The following PLEKHM2 variants were observed in gnomAD, a reference collection of about 807,000 sequenced individuals.
PLEKHM2 encodes pleckstrin homology domain-containing family M member 2.
PLEKHM2 carries 77 observed loss-of-function variants against 116.3 expected under a neutral mutation model. The observed-to-expected ratio is 0.66, with a 90% CI of 0.55 to 0.80. PLEKHM2 has a LOEUF of 0.80. PLEKHM2 is among the 30% of genes least tolerant of loss of function. PLEKHM2 has a pLI of 0.00. For missense variants in PLEKHM2, 1,183 were observed against 1,354.9 expected, an observed-to-expected ratio of 0.87 and a Z score of 1.99; for synonymous variants, 562 against 571.0, an observed-to-expected ratio of 0.98 and a Z score of 0.22.
chr1:15,729,693 C>G lies in PLEKHM2; in HGVS notation c.2076-104C>G. 1 of 1,056,396 alleles carries G rather than the reference C, an allele frequency of 9.5e-7. No homozygotes were observed. Among genetic ancestry groups the G allele is most frequent in the Non-Finnish European group, 1.4e-6 (1 of 726,610 alleles). The allele number at this position is 1,056,396 out of a possible 1,614,324, so 65.4% of individuals were successfully genotyped here. A position where few individuals can be genotyped will look rare whatever the true frequency, so the allele number is the denominator to read the frequency against. On this transcript the variant is annotated intron_variant, in intron 13 of 19. Transcript: ENST00000375799. The surrounding 1 kb of genome is among the most constrained non-coding windows in gnomAD (Gnocchi z 4.7). Reference sequence around the variant, plus strand: ...ACTGGGTCTAGCCAGGTCTCTCCCCCAAGTTTCTGTGACCCCTCCAGGCCA... The same window carrying G: ...ACTGGGTCTAGCCAGGTCTCTCCCCGAAGTTTCTGTGACCCCTCCAGGCCA...
At chr1:15,700,000 A>C (rs1461808133) in intron 1 of PLEKHM2, among the ~76,000 whole-genome samples, 2 of 151,970 alleles carry the variant, frequency 1.3e-5, no homozygotes, top group South Asian at 2.1e-4. Flanking sequence ...CAAAAAAAAA[A>C]AACAACAAAA....
At chr1:15,682,523 G>A (rs890989262), upstream of PLEKHM2, among the ~76,000 whole-genome samples, 1 of 151,770 alleles carries the variant, frequency 6.6e-6, no homozygotes, top group Admixed American at 6.6e-5. Flanking sequence ...GGAGGCTGAG[G>A]CAGGAGAATC....
intron 8 of PLEKHM2, 70 bp downstream of exon 8, chr1:15,725,615 G>A (rs1165111097): frequency 1.7e-6 from 2 of 1,150,062 alleles, no homozygotes; most frequent in Non-Finnish European, 2.5e-6. Flanking sequence ...AGCATCAGCT[G>A]TTCATCCAGG....
rs2068113213 is a variant in PLEKHM2, at chr1:15,729,736, G to A, written c.2076-61G>A. 2 of 1,500,036 alleles carry A rather than the reference G, an allele frequency of 1.3e-6. No individual in the cohort carries two copies. The highest frequency in any genetic ancestry group is 1.8e-6 in the Non-Finnish European group (2 of 1,104,618). The allele number at this position is 1,500,036 out of a possible 1,614,324, so 92.9% of individuals were successfully genotyped here. On this transcript the variant is annotated intron_variant, in intron 13 of 19. Transcript: ENST00000375799. The surrounding 1 kb of genome is among the most constrained non-coding windows in gnomAD (Gnocchi z 4.7). ...CCAGGCCAGCAGCGCTCAAGACTAA[G>A]CCCTGTCCAGTTGAGGCCCTGTTCC...
At chr1:15,694,536 G>A (rs1181298338) in intron 1 of PLEKHM2, among the ~76,000 whole-genome samples, 1 of 152,094 alleles carries the variant, frequency 6.6e-6, no homozygotes, top group Non-Finnish European at 1.5e-5. Flanking sequence ...CCTCCTTGGT[G>A]TTGCTCATTC....
intron 1 of PLEKHM2, among the ~76,000 whole-genome samples, chr1:15,711,349 C>T (rs1423665696): frequency 1.3e-5 from 2 of 151,996 alleles, no homozygotes; most frequent in Non-Finnish European, 2.9e-5. Flanking sequence ...ACCGTGGTGG[C>T]TCATGCCTGT....
rs971030462 is a variant in PLEKHM2, at chr1:15,730,633, C to T, written c.2310C>T (p.Gly770=). The change falls in exon 15 of 20, where the codon GGC becomes GGT. Residue 770 remains glycine (G), a synonymous_variant. Coordinates refer to ENST00000375799, the MANE Select transcript of PLEKHM2 (RefSeq NM_015164.4). ...CCTGCCACTGCTCACCCCCCGAGGGCACCATCACCAAAGAAGGCATGCTGC... is the reference window on the plus strand; with the variant it reads ...CCTGCCACTGCTCACCCCCCGAGGGTACCATCACCAAAGAAGGCATGCTGC... ...PTPCHCSPPE[G]TITKEGMLHY... The T allele has an allele frequency of 3.7e-6, 6 of 1,609,202 alleles. No individual in the cohort carries two copies. The highest frequency in any genetic ancestry group is 3.4e-5 in the Admixed American group (2 of 59,448).
intron 1 of PLEKHM2, among the ~76,000 whole-genome samples, chr1:15,690,672 T>G (rs1369285805): frequency 2.0e-5 from 3 of 152,330 alleles, no homozygotes; most frequent in Non-Finnish European, 2.9e-5. Context: ...ACCAAATCTC[T>G]ATTGTAGCTG....
chr1:15,730,039 G>T (rs540500667), intron 14 of PLEKHM2, 110 bp downstream of exon 14: 2 of 251,422 alleles, frequency 8.0e-6, no homozygotes, highest in Non-Finnish European at 1.4e-5. Context: ...TTTCACAATC[G>T]CCTACCTGGG....
At chr1:15,725,908 A>T in intron 8 of PLEKHM2, 1 of 275,320 alleles carries the variant, frequency 3.6e-6, no homozygotes, top group Non-Finnish European at 7.0e-6. Context: ...AGAGCTCTCT[A>T]GGGTCCCTTT....
rs867487778 is a variant in PLEKHM2 at position 15,714,098 on chromosome 1, C to T, written c.61-2139C>T. Among the ~76,000 whole-genome samples the T allele has an allele frequency of 6.6e-5, 10 of 152,026 alleles. No homozygotes were observed. In the South Asian group the frequency reaches 1.5e-3, roughly 22 times the overall value. On this transcript the variant is annotated intron_variant, in intron 1 of 19. Transcript: ENST00000375799. ...CTGGGATTACAGGTGCCTGTCACCG[C>T]ACCCAGCTAGTTGTTGTATTTTAGT... is the stretch of plus-strand genomic sequence containing the variant.
At chr1:15,683,654 G>A (rs1368730224), upstream of PLEKHM2, among the ~76,000 whole-genome samples, 11 of 150,744 alleles carry the variant, frequency 7.3e-5, no homozygotes, top group African/African-American at 2.0e-4. Context: ...CCAGTGCCTC[G>A]GGGTCTTTGG....
rs1183227092 is a variant in PLEKHM2 at position 15,721,997 on chromosome 1, T to C, written c.712+609T>C. On this transcript the variant is annotated intron_variant, in intron 7 of 19. Transcript: ENST00000375799. The surrounding 1 kb of genome is among the most constrained non-coding windows in gnomAD (Gnocchi z 5.1). Reference sequence around the variant, plus strand: ...TGGGCAGTAGCAGTGCCTGGGCATTTTTCTGCCTGAAATTCCACTTCATAA... The same window carrying C: ...TGGGCAGTAGCAGTGCCTGGGCATTCTTCTGCCTGAAATTCCACTTCATAA... Among the ~76,000 whole-genome samples the C allele has an allele frequency of 6.6e-6, 1 of 152,226 alleles. No individual in the cohort carries two copies. Among genetic ancestry groups the C allele is most frequent in the African/African-American group, 2.4e-5 (1 of 41,456 alleles).
chr1:15,726,516 C>T (rs768695445), intron 8 of PLEKHM2, among the ~76,000 whole-genome samples: 10 of 152,198 alleles, frequency 6.6e-5, no homozygotes, highest in Non-Finnish European at 1.5e-4. Context: ...CTTAGCTAAG[C>T]CCGCTCCAGC....
At position 15,718,617 on chromosome 1, in the gene PLEKHM2, C is replaced by G. The variant is rs1348055000; in HGVS notation, c.457C>G (p.Leu153Val). The G allele has an allele frequency of 7.4e-7, 1 of 1,356,850 alleles. No individual in the cohort carries two copies. The highest frequency in any genetic ancestry group is 9.8e-7 in the Non-Finnish European group (1 of 1,024,758). 84.1% of individuals were successfully genotyped at this position (1,356,850 alleles called of 1,614,324 possible). The change falls in exon 5 of 20, where the codon CTG (leucine) becomes GTG (valine). Residue 153 changes from leucine to valine, a missense_variant. This residue lies in a region of PLEKHM2 where 217 missense variants were observed against 277.6 expected (regional missense o/e 0.78). Coordinates refer to ENST00000375799, the MANE Select transcript of PLEKHM2 (RefSeq NM_015164.4). ...VSGLEFIRFELDLDAPYLDLA... is the reference protein window; with the variant it reads ...VSGLEFIRFEVDLDAPYLDLA... The stretch of plus-strand genomic sequence containing the variant: ...CGGGCTAGAGTTCATTCGTTTCGAG[C>G]TGGATCTGGTGAGACACCAGGGCTC...
At chr1:15,710,537 G>A (rs1279596831) in intron 1 of PLEKHM2, among the ~76,000 whole-genome samples, 2 of 151,870 alleles carry the variant, frequency 1.3e-5, no homozygotes, top group African/African-American at 4.8e-5. Flanking sequence ...ATGTTGGCCA[G>A]GCTGGTCTCA....
At chr1:15,686,366 A>C (rs953387058) in intron 1 of PLEKHM2, among the ~76,000 whole-genome samples, 4 of 152,200 alleles carry the variant, frequency 2.6e-5, no homozygotes, top group Admixed American at 2.6e-4. Context: ...CGCCCTGCCA[A>C]ATTAATAACC....
chr1:15,723,189 A>G (rs944632919), intron 7 of PLEKHM2: 3 of 151,966 alleles, frequency 2.0e-5, no homozygotes, highest in African/African-American at 7.2e-5. Context: ...ACATCTCATG[A>G]TCTGCCCACT....
chr1:15,725,935 C>A, intron 8 of PLEKHM2: 1 of 213,586 alleles, frequency 4.7e-6, no homozygotes, highest in Non-Finnish European at 9.5e-6. Flanking sequence ...GGTGCTGATC[C>A]CATTCCTGAG....
Sources: gnomAD v4.1 joint callset for allele counts (sites outside exome capture counted in the v4.1 genomes callset) on GRCh38, gnomAD v4.1.1 for gene constraint, gnomAD v4.1.1 regional missense constraint, Gnocchi (gnomAD v3.1) non-coding constraint, MANE v1.5 for transcripts, NCBI Gene and HGNC (gene_info 2026-07-23, HGNC 2026-07-21) for gene names.